DCDC1: variants seen among roughly 807,000 people sequenced by gnomAD.
DCDC1 encodes doublecortin domain containing 1.
DCDC1 carries 200 observed loss-of-function variants against 178.3 expected under a neutral mutation model. That is an observed-to-expected ratio of 1.12 (90% CI 1.00 to 1.26). DCDC1 has a LOEUF of 1.26. Among genes scored for constraint, DCDC1 ranks in the 50% most tolerant of loss-of-function variants. DCDC1 has a pLI of 0.00. For missense variants in DCDC1, 1,983 were observed against 1,749.2 expected (o/e 1.13, Z -2.38); for synonymous variants, 690 against 604.8 (o/e 1.14, Z -2.07).
intron 9 of DCDC1, among the ~76,000 whole-genome samples, chr11:31,228,661 C>T (rs188535530): frequency 2.6e-5 from 4 of 151,778 alleles, no homozygotes; most frequent in South Asian, 4.2e-4. Context: ...CTCAGCTAGA[C>T]GAGTTAAGTA....
chr11:31,305,067 T>C (rs1193503108), intron 6 of DCDC1, among the ~76,000 whole-genome samples: 1 of 152,162 alleles, frequency 6.6e-6, no homozygotes, highest in Non-Finnish European at 1.5e-5. Context: ...ATGTGTAGGA[T>C]TATATTATAC....
intron 20 of DCDC1, among the ~76,000 whole-genome samples, chr11:31,018,405 A>G (rs1952634257): frequency 6.6e-6 from 1 of 152,198 alleles, no homozygotes; most frequent in Non-Finnish European, 1.5e-5. Flanking sequence ...AGATAAGACA[A>G]GGTCACTGGT....
At chr11:31,085,232 G>C (rs1565263158) in intron 17 of DCDC1, among the ~76,000 whole-genome samples, 1 of 150,292 alleles carries the variant, frequency 6.7e-6, no homozygotes, top group Non-Finnish European at 1.5e-5. Context: ...ACAATTAGTA[G>C]GCACATATTC....
intron 22 of DCDC1, among the ~76,000 whole-genome samples, chr11:30,928,333 A>C (rs1406145352): frequency 1.3e-5 from 2 of 152,042 alleles, no homozygotes; most frequent in Non-Finnish European, 2.9e-5. Context: ...CATGAACCAC[A>C]TAAACTTTTT....
At chr11:31,255,888 A>T (rs1010877513) in intron 8 of DCDC1, among the ~76,000 whole-genome samples, 23 of 152,202 alleles carry the variant, frequency 1.5e-4, no homozygotes, top group Non-Finnish European at 1.5e-5. Context: ...CATTTCTAAA[A>T]ACTGATTGCC....
intron 20 of DCDC1, among the ~76,000 whole-genome samples, chr11:31,047,275 T>C (rs1954904894): frequency 6.6e-6 from 1 of 152,196 alleles, no homozygotes; most frequent in Admixed American, 6.5e-5. Context: ...ATATATTTAA[T>C]GTAAGGAAAA....
At chr11:30,930,608 T>C (rs938717614) in intron 22 of DCDC1, among the ~76,000 whole-genome samples, 1 of 152,170 alleles carries the variant, frequency 6.6e-6, no homozygotes, top group Non-Finnish European at 1.5e-5. Flanking sequence ...GTTGTCCAAA[T>C]TTACCATTTC....
At chr11:31,038,234 C>T (rs1954209353) in intron 20 of DCDC1, among the ~76,000 whole-genome samples, 1 of 151,902 alleles carries the variant, frequency 6.6e-6, no homozygotes, top group Non-Finnish European at 1.5e-5. Context: ...TATATACACA[C>T]ACACACATAA....
At chr11:30,871,655 TA>T (rs1458639216) in intron 38 of DCDC1, among the ~76,000 whole-genome samples, 1 of 152,122 alleles carries the variant, frequency 6.6e-6, no homozygotes, top group African/African-American at 2.4e-5. Flanking sequence ...CTGTGACCTT[TA>T]AAATAGCAAG....
intron 20 of DCDC1, among the ~76,000 whole-genome samples, chr11:31,000,219 G>A (rs1167897084): frequency 5.9e-5 from 9 of 152,100 alleles, no homozygotes; most frequent in East Asian, 3.8e-4. Context: ...TCATTCAAGC[G>A]TCACAATGCC....
intron 8 of DCDC1, among the ~76,000 whole-genome samples, chr11:31,260,780 G>T (rs369374931): frequency 6.6e-6 from 1 of 152,126 alleles, no homozygotes; most frequent in South Asian, 2.1e-4. Flanking sequence ...AGATCAAAAA[G>T]TTTGGAAATG....
intron 35 of DCDC1, among the ~76,000 whole-genome samples, chr11:30,893,930 G>A (rs1239828569): frequency 6.6e-6 from 1 of 152,144 alleles, no homozygotes; most frequent in Non-Finnish European, 1.5e-5. Flanking sequence ...GGAGTAATGA[G>A]CAATGAAGCC....
At chr11:30,984,458 A>C (rs1269093886) in intron 20 of DCDC1, among the ~76,000 whole-genome samples, 1 of 152,234 alleles carries the variant, frequency 6.6e-6, no homozygotes, top group Non-Finnish European at 1.5e-5. Context: ...AAATAGGAGA[A>C]TAACCAGATT....
chr11:31,275,040 C>T (rs564626561), intron 7 of DCDC1, among the ~76,000 whole-genome samples: 3 of 152,152 alleles, frequency 2.0e-5, no homozygotes, highest in African/African-American at 4.8e-5. Context: ...ACTAAAAGTT[C>T]CATGAGAACA....
chr11:31,290,943 T>C (rs937448894), intron 6 of DCDC1, 91 bp from the exon 7 acceptor site: 24 of 1,127,052 alleles, frequency 2.1e-5, no homozygotes, highest in Non-Finnish European at 2.9e-5. Context: ...ACCTGTGTAT[T>C]ATACACTGGC....
At chr11:31,116,457 T>C (rs1959980457) in intron 11 of DCDC1, among the ~76,000 whole-genome samples, 1 of 152,068 alleles carries the variant, frequency 6.6e-6, no homozygotes, top group African/African-American at 2.4e-5. Context: ...AAATCACTTC[T>C]AACTCAATTA....
chr11:30,890,992 T>C lies in DCDC1; in HGVS notation c.5082+1826A>G, dbSNP rs1943724783. On this transcript the variant is annotated intron_variant, in intron 36 of 38. Transcript: ENST00000684477. ...TTGCCTAGGTTCATTAAAATATCCT[T>C]GGGATCAAGTTCTGCTTTGATATGT... is the stretch of plus-strand genomic sequence containing the variant. 1.3e-5 allele frequency among the ~76,000 whole-genome samples: 2 copies of C among 152,158 alleles called. 1 individual carries two copies. The highest frequency in any genetic ancestry group is 4.1e-4 in the South Asian group (2 of 4,824).
chr11:31,097,515 C>T (rs1958236038), intron 15 of DCDC1, among the ~76,000 whole-genome samples: 1 of 152,174 alleles, frequency 6.6e-6, no homozygotes, highest in Non-Finnish European at 1.5e-5. Context: ...TCTCTTTCCT[C>T]ATGTAATTTC....
chr11:30,944,552 T>TA (rs753318674), intron 21 of DCDC1, among the ~76,000 whole-genome samples: 28 of 151,630 alleles, frequency 1.8e-4, no homozygotes, highest in East Asian at 3.9e-4. Flanking sequence ...TTTGTTCTGC[T>TA]AAAAAAAAAT....
Sources: allele counts gnomAD v4.1 joint callset (sites outside exome capture counted in the v4.1 genomes callset), GRCh38; gene constraint gnomAD v4.1.1; transcripts MANE v1.5; gene names NCBI Gene and HGNC (gene_info 2026-07-23, HGNC 2026-07-21).